Variants in GSG1L observed in about 807,000 individuals in gnomAD.
GSG1L encodes germ cell-specific gene 1-like protein.
A neutral mutation model predicts 42.1 loss-of-function variants in GSG1L; 24 were observed. The observed-to-expected ratio is 0.57, with a 90% CI of 0.41 to 0.80. The LOEUF (loss-of-function observed/expected upper bound fraction) is 0.80, where lower values mean the gene tolerates loss of function less well. Ranked by LOEUF, GSG1L falls within the 30% of genes least tolerant of loss-of-function variation. The pLI, the probability that GSG1L is intolerant of heterozygous loss-of-function variation, is 0.00. For missense variants in GSG1L, 445 were observed against 472.2 expected (o/e 0.94, Z 0.53); for synonymous variants, 215 against 203.5 (o/e 1.06, Z -0.48).
chr16:27,953,478 G>A (rs1019050542), intron 2 of GSG1L, among the ~76,000 whole-genome samples: 8 of 152,334 alleles, frequency 5.3e-5, no homozygotes, highest in Non-Finnish European at 8.8e-5. Flanking sequence ...GCAGACTGGA[G>A]TCTGGGAGGC....
intron 3 of GSG1L, among the ~76,000 whole-genome samples, chr16:27,851,145 G>T (rs2083509838): frequency 6.6e-6 from 1 of 152,158 alleles, no homozygotes; most frequent in Non-Finnish European, 1.5e-5. Flanking sequence ...ATTGGGATGC[G>T]TTACCCAAGA....
intron 2 of GSG1L, among the ~76,000 whole-genome samples, chr16:27,927,552 C>T (rs901229572): frequency 6.6e-6 from 1 of 152,132 alleles, no homozygotes; most frequent in African/African-American, 2.4e-5. Context: ...CAAGCCCTCC[C>T]TCGGACCCCT....
At chr16:27,820,804 G>A (rs1026560748) in intron 5 of GSG1L, among the ~76,000 whole-genome samples, 5 of 152,154 alleles carry the variant, frequency 3.3e-5, no homozygotes, top group Non-Finnish European at 7.4e-5. Context: ...TAGACAGATA[G>A]CTGCTACCAC....
chr16:27,826,539 C>T (rs912178497), intron 5 of GSG1L, among the ~76,000 whole-genome samples: 7 of 152,192 alleles, frequency 4.6e-5, no homozygotes, highest in Non-Finnish European at 7.4e-5. Flanking sequence ...GGAGGCGGTC[C>T]CAGGAACTAT....
intron 1 of GSG1L, among the ~76,000 whole-genome samples, chr16:28,021,308 G>A (rs1431288747): frequency 1.3e-5 from 2 of 152,078 alleles, no homozygotes; most frequent in Admixed American, 6.5e-5. Flanking sequence ...TCAGGGTTGG[G>A]GAGACAGAAG....
At chr16:27,843,021 C>T (rs1596549514) in intron 4 of GSG1L, among the ~76,000 whole-genome samples, 2 of 152,214 alleles carry the variant, frequency 1.3e-5, no homozygotes, top group East Asian at 3.8e-4. Context: ...CATCACAGCA[C>T]AGTTCAGATA....
intron 1 of GSG1L, among the ~76,000 whole-genome samples, chr16:28,027,258 C>T (rs919261972): frequency 2.0e-5 from 3 of 152,138 alleles, no homozygotes; most frequent in Admixed American, 6.5e-5. Flanking sequence ...CTAAGCCAGC[C>T]AATCAGAGTA....
At chr16:27,941,831 T>C (rs1295720080) in intron 2 of GSG1L, among the ~76,000 whole-genome samples, 1 of 152,102 alleles carries the variant, frequency 6.6e-6, no homozygotes, top group African/African-American at 2.4e-5. Context: ...GAAGACATTA[T>C]GTTTCATGAA....
intron 1 of GSG1L, among the ~76,000 whole-genome samples, chr16:28,041,678 G>A (rs2086107457): frequency 6.6e-6 from 1 of 152,056 alleles, no homozygotes; most frequent in African/African-American, 2.4e-5. Flanking sequence ...CCCAGGCCTG[G>A]CATTTACTCA....
intron 2 of GSG1L, among the ~76,000 whole-genome samples, chr16:27,931,595 A>G (rs1229819787): frequency 6.6e-6 from 1 of 152,230 alleles, no homozygotes; most frequent in Non-Finnish European, 1.5e-5. Context: ...TGGTCAGGAT[A>G]TGGGAACTTT....
chr16:27,865,562 TATATATATATACACACAC>T (rs2083709333), intron 3 of GSG1L, among the ~76,000 whole-genome samples: 2 of 25,970 alleles, frequency 7.7e-5, no homozygotes, highest in African/African-American at 1.8e-4. Flanking sequence ...TATATATATA[TATATATATATACACACAC>T]ACATACATAC....
At chr16:27,962,066 A>G (rs540046012) in intron 2 of GSG1L, among the ~76,000 whole-genome samples, 1 of 152,268 alleles carries the variant, frequency 6.6e-6, no homozygotes, top group African/African-American at 2.4e-5. Context: ...AGAGACATGC[A>G]TACCTGTTTC....
chr16:27,995,186 C>T (rs1188291579), intron 1 of GSG1L, among the ~76,000 whole-genome samples: 2 of 152,196 alleles, frequency 1.3e-5, no homozygotes, highest in Non-Finnish European at 1.5e-5. Flanking sequence ...AACATAATCC[C>T]AGCAAGGCTG....
chr16:28,017,254 G>C (rs186353122), intron 1 of GSG1L, among the ~76,000 whole-genome samples: 426 of 152,300 alleles, frequency 2.8e-3, no homozygotes, highest in Non-Finnish European at 4.3e-3. Flanking sequence ...ACAGGGAAAG[G>C]CATCTTCAAA....
At chr16:27,959,324 C>A (rs139579978) in intron 2 of GSG1L, among the ~76,000 whole-genome samples, 1 of 148,996 alleles carries the variant, frequency 6.7e-6, no homozygotes, top group Non-Finnish European at 1.5e-5. Flanking sequence ...AAAAATTAGC[C>A]GGGCATGGTG....
chr16:28,008,730 C>A (rs1021677255), intron 1 of GSG1L, among the ~76,000 whole-genome samples: 3 of 152,242 alleles, frequency 2.0e-5, no homozygotes, highest in African/African-American at 7.2e-5. Context: ...GGCTCTTGGC[C>A]CTCACTGCAC....
chr16:28,024,037 A>T (rs898521706), intron 1 of GSG1L, among the ~76,000 whole-genome samples: 1 of 152,186 alleles, frequency 6.6e-6, no homozygotes. Context: ...CTCAAAAAAT[A>T]AAGAAAAGAA....
At chr16:28,048,543 T>A (rs1023273507) in intron 1 of GSG1L, among the ~76,000 whole-genome samples, 2 of 152,148 alleles carry the variant, frequency 1.3e-5, no homozygotes, top group Non-Finnish European at 2.9e-5. Context: ...ATTACAGGCA[T>A]AAGCCACTGC....
intron 5 of GSG1L, among the ~76,000 whole-genome samples, chr16:27,813,205 G>T (rs1254744431): frequency 6.6e-6 from 1 of 152,196 alleles, no homozygotes; most frequent in Non-Finnish European, 1.5e-5. Context: ...AATGAGCATA[G>T]AACCCGATAG....
Sources: allele counts gnomAD v4.1 joint callset (sites outside exome capture counted in the v4.1 genomes callset), GRCh38; gene constraint gnomAD v4.1.1; transcripts MANE v1.5; gene names NCBI Gene and HGNC (gene_info 2026-07-23, HGNC 2026-07-21).